Variants in CCDC146 observed in about 807,000 individuals in gnomAD.
CCDC146 encodes coiled-coil domain containing 146.
CCDC146 carries 92 observed loss-of-function variants against 119.3 expected under a neutral mutation model. The ratio of observed to expected loss-of-function variants is 0.77; its 90% CI spans 0.65 to 0.92. CCDC146 has a LOEUF of 0.92. Among genes scored for constraint, CCDC146 ranks in the 40% least tolerant of loss-of-function variants. CCDC146 has a pLI of 0.00. For missense variants in CCDC146, 1,000 were observed against 1,103.0 expected (o/e 0.91, Z 1.32); for synonymous variants, 372 against 371.8 (o/e 1.00, Z -0.01).
chr7:77,183,066 C>T (rs562677442), intron 2 of CCDC146, among the ~76,000 whole-genome samples: 17 of 152,290 alleles, frequency 1.1e-4, no homozygotes, highest in Middle Eastern at 3.4e-3. Flanking sequence ...AAATCTCCTT[C>T]ATGAAATGGA....
rs1790968967 is a variant in CCDC146, at chr7:77,143,564, A to T, written c.-12+20832A>T. ...TATGGTTTTAGGTCTAACATTTAAG[A>T]CTTTAATCAATCTTGAATTAATTTT... is the stretch of plus-strand genomic sequence containing the variant. On this transcript the variant is annotated intron_variant, in intron 1 of 18. Coordinates refer to ENST00000285871, the MANE Select transcript of CCDC146 (RefSeq NM_020879.3). 2.0e-5 allele frequency among the ~76,000 whole-genome samples: 3 copies of T among 151,826 alleles called. No homozygotes were observed. The South Asian group carries it at 6.2e-4, about 31-fold the overall frequency.
At chr7:77,277,055 G>A (rs972754627) in intron 11 of CCDC146, among the ~76,000 whole-genome samples, 5 of 152,090 alleles carry the variant, frequency 3.3e-5, no homozygotes, top group African/African-American at 1.2e-4. Flanking sequence ...CTGGGTGACA[G>A]AGCGAGACTC....
intron 1 of CCDC146, among the ~76,000 whole-genome samples, chr7:77,156,787 T>C (rs1165136715): frequency 3.9e-5 from 6 of 152,152 alleles, no homozygotes; most frequent in Non-Finnish European, 7.4e-5. Context: ...ATCTGAGGTA[T>C]GCCTCATGTC....
chr7:77,222,668 C>A lies in CCDC146; in HGVS notation c.157-14279C>A, dbSNP rs369189551. Among the ~76,000 whole-genome samples the A allele has an allele frequency of 2.9e-3, 446 of 152,320 alleles. 5 individuals are homozygous for A. The highest frequency in any genetic ancestry group is 3.9e-3 in the African/African-American group (164 of 41,568). The stretch of plus-strand genomic sequence containing the variant: ...CAGGGAAGTGGCTTTTGTCTGTGAT[C>A]AACAAAGTGAGGTAACAAATGACCA... On this transcript the variant is annotated intron_variant, in intron 2 of 18. Coordinates refer to ENST00000285871, the MANE Select transcript of CCDC146 (RefSeq NM_020879.3).
At chr7:77,230,262 A>C (rs1792599559) in intron 2 of CCDC146, among the ~76,000 whole-genome samples, 1 of 152,000 alleles carries the variant, frequency 6.6e-6, no homozygotes, top group Admixed American at 6.6e-5. Context: ...TTTGTGTCCA[A>C]GCTTTTATAT....
intron 1 of CCDC146, among the ~76,000 whole-genome samples, chr7:77,147,742 A>C (rs1219979789): frequency 1.3e-5 from 2 of 152,204 alleles, no homozygotes; most frequent in Admixed American, 1.3e-4. Flanking sequence ...CTGAACAGCA[A>C]ATGTTTCTGC....
intron 2 of CCDC146, among the ~76,000 whole-genome samples, chr7:77,204,282 C>T (rs896181261): frequency 6.6e-6 from 1 of 151,812 alleles, no homozygotes; most frequent in African/African-American, 2.4e-5. Flanking sequence ...TTTAATATTC[C>T]TTAGAGGTCT....
At position 77,256,961 on chromosome 7, in the gene CCDC146, G is replaced by A. The variant is rs554334617; in HGVS notation, c.684+452G>A. ...TCTACTAAAAATACAAAAATTAGCCGGGTGTGTGATGGTGGATGCCTCTAA... is the reference window on the plus strand; with the variant it reads ...TCTACTAAAAATACAAAAATTAGCCAGGTGTGTGATGGTGGATGCCTCTAA... On this transcript the variant is annotated intron_variant, in intron 6 of 18. Coordinates refer to ENST00000285871, the MANE Select transcript of CCDC146 (RefSeq NM_020879.3). Among the ~76,000 whole-genome samples the A allele has an allele frequency of 4.7e-4, 71 of 152,164 alleles. 2 individuals are homozygous for A. Among genetic ancestry groups the A allele is most frequent in the African/African-American group, 4.1e-4 (17 of 41,528 alleles).
chr7:77,141,080 C>G (rs1317694128), intron 1 of CCDC146, among the ~76,000 whole-genome samples: 1 of 152,152 alleles, frequency 6.6e-6, no homozygotes, highest in Non-Finnish European at 1.5e-5. Flanking sequence ...GCCCCACACC[C>G]CCTGACAGGC....
intron 1 of CCDC146, among the ~76,000 whole-genome samples, chr7:77,126,720 G>A (rs532163008): frequency 1.3e-5 from 2 of 152,158 alleles, no homozygotes; most frequent in African/African-American, 2.4e-5. Context: ...TATCCTCTTC[G>A]TCCTTTGGCC....
chr7:77,241,994 G>A, intron 4 of CCDC146, 94 bp downstream of exon 4: 2 of 910,704 alleles, frequency 2.2e-6, no homozygotes, highest in Non-Finnish European at 3.4e-6. Flanking sequence ...AGGAGTAGGA[G>A]ATAGCAGTAC....
At chr7:77,177,821 G>A (rs538729870) in intron 2 of CCDC146, among the ~76,000 whole-genome samples, 2 of 152,202 alleles carry the variant, frequency 1.3e-5, no homozygotes, top group South Asian at 4.1e-4. Flanking sequence ...AGGCACCCTT[G>A]CAAGAATAAT....
intron 2 of CCDC146, among the ~76,000 whole-genome samples, chr7:77,174,571 G>A (rs10254180): frequency 0.22 from 32,734 of 151,574 alleles, 4,403 homozygotes; most frequent in African/African-American, 0.4. Context: ...CCATGGAAAG[G>A]GGCAGTAACT....
chr7:77,260,639 G>GT (rs1255112502), intron 8 of CCDC146, among the ~76,000 whole-genome samples: 1 of 152,194 alleles, frequency 6.6e-6, no homozygotes, highest in Non-Finnish European at 1.5e-5. Context: ...TTTTTTGTTT[G>GT]TTTTTTGAGA....
chr7:77,196,185 C>T lies in CCDC146; in HGVS notation c.156+28361C>T. On this transcript the variant is annotated intron_variant, in intron 2 of 18. Coordinates refer to ENST00000285871, the MANE Select transcript of CCDC146 (RefSeq NM_020879.3). The surrounding 1 kb of genome is among the most constrained non-coding windows in gnomAD (Gnocchi z 4.2). The stretch of plus-strand genomic sequence containing the variant: ...CTAGCCGTCAGACATCATTTTTTAG[C>T]TATGAAAAATATGAAACAAGGCATA... 2.3e-6 allele frequency: 2 copies of T among 872,946 alleles called. No homozygotes were observed. The highest frequency in any genetic ancestry group is 1.7e-6 in the Non-Finnish European group (1 of 576,398). The allele number at this position is 872,946 out of a possible 1,614,324, so 54.1% of individuals were successfully genotyped here.
chr7:77,247,800 G>A (rs773501913), intron 4 of CCDC146, among the ~76,000 whole-genome samples: 77 of 152,126 alleles, frequency 5.1e-4, no homozygotes, highest in Non-Finnish European at 9.4e-4. Flanking sequence ...GATGTTGGCG[G>A]AGTGCTGAGT....
At position 77,256,496 on chromosome 7, in the gene CCDC146, AG is replaced by A. The variant is rs758750749; in HGVS notation, c.673del (p.Val225SerfsTer3). On this transcript the variant is annotated frameshift_variant, in exon 6 of 19. Coordinates refer to ENST00000285871, the MANE Select transcript of CCDC146 (RefSeq NM_020879.3). ...QKELEELLGH[Q>X]VVLKDEVAHH... ...GAACTAGAAGAATTGTTGGGACATC[AG>A]GTCGTCCTAAAGGTGTGCTACTTAC... 1.9e-6 allele frequency: 3 copies of A among 1,605,806 alleles called. No homozygotes were observed. Among genetic ancestry groups the A allele is most frequent in the Non-Finnish European group, 1.7e-6 (2 of 1,177,808 alleles).
At chr7:77,153,445 A>G (rs1391820275) in intron 1 of CCDC146, among the ~76,000 whole-genome samples, 13 of 145,220 alleles carry the variant, frequency 9.0e-5, no homozygotes, top group African/African-American at 2.8e-4. Flanking sequence ...TTTTTTTTTA[A>G]CAATAAAAGA....
At chr7:77,280,132 T>G (rs756824092) in intron 13 of CCDC146, among the ~76,000 whole-genome samples, 4 of 152,076 alleles carry the variant, frequency 2.6e-5, no homozygotes, top group African/African-American at 4.8e-5. Flanking sequence ...AGCAGTCTCC[T>G]GAGAATGACA....
Sources: allele counts gnomAD v4.1 joint callset (sites outside exome capture counted in the v4.1 genomes callset), GRCh38; gene constraint gnomAD v4.1.1; non-coding constraint Gnocchi (gnomAD v3.1); transcripts MANE v1.5; gene names NCBI Gene and HGNC (gene_info 2026-07-23, HGNC 2026-07-21).